The following CLEC19A variants were observed in gnomAD, a reference collection of about 807,000 sequenced individuals.
The protein encoded by CLEC19A is C-type lectin domain containing 19A.
CLEC19A carries 21 observed loss-of-function variants against 26.1 expected under a neutral mutation model. That is an observed-to-expected ratio of 0.80 (90% confidence interval 0.57 to 1.16). The LOEUF is 1.16. Among genes scored for constraint, CLEC19A ranks in the 50% most tolerant of loss-of-function variants. CLEC19A has a pLI of 0.00. For missense variants in CLEC19A, 224 were observed against 227.6 expected, an observed-to-expected ratio of 0.98 and a Z score of 0.10; for synonymous variants, 89 against 88.6, an observed-to-expected ratio of 1.00 and a Z score of -0.03.
At chr16:19,299,913 G>T (rs927998364) in intron 2 of CLEC19A, among the ~76,000 whole-genome samples, 1 of 151,918 alleles carries the variant, frequency 6.6e-6, no homozygotes, top group Non-Finnish European at 1.5e-5. Context: ...GTGTAGAGCC[G>T]CTGACTTTTG....
At chr16:19,294,664 G>A (rs1034748327) in intron 1 of CLEC19A, among the ~76,000 whole-genome samples, 3 of 152,188 alleles carry the variant, frequency 2.0e-5, no homozygotes, top group South Asian at 2.1e-4. Flanking sequence ...GGTCCATGTC[G>A]TTAAATTTAA....
At chr16:19,285,962 G>A (rs919824000) in intron 1 of CLEC19A, 23 bp downstream of exon 1, 10 of 1,544,820 alleles carry the variant, frequency 6.5e-6, no homozygotes, top group African/African-American at 1.4e-5. Flanking sequence ...ACCAGGGCTG[G>A]GAGCAGGTGG....
intron 1 of CLEC19A, among the ~76,000 whole-genome samples, chr16:19,286,969 A>C (rs959420649): frequency 1.2e-4 from 18 of 151,958 alleles, no homozygotes; most frequent in African/African-American, 4.4e-4. Context: ...ACGTATTTAT[A>C]CTAAAAATTA....
At chr16:19,307,400 C>A in intron 3 of CLEC19A, 145 bp from the exon 4 acceptor site, 1 of 830,364 alleles carries the variant, frequency 1.2e-6, no homozygotes, top group Non-Finnish European at 1.8e-6. Context: ...GCAGTAGTGC[C>A]AGATAGCAGT....
chr16:19,308,390 G>A (rs915609211), intron 4 of CLEC19A, among the ~76,000 whole-genome samples: 1 of 152,098 alleles, frequency 6.6e-6, no homozygotes, highest in African/African-American at 2.4e-5. Flanking sequence ...TCAAAATGTG[G>A]CTAATGATAC....
chr16:19,301,096 C>T (rs529207899), intron 2 of CLEC19A, among the ~76,000 whole-genome samples: 2 of 152,314 alleles, frequency 1.3e-5, no homozygotes, highest in African/African-American at 4.8e-5. Flanking sequence ...TCAAAGAATT[C>T]CTAGCCTGTA....
intron 1 of CLEC19A, among the ~76,000 whole-genome samples, chr16:19,291,108 C>T (rs1897574981): frequency 1.3e-5 from 2 of 152,178 alleles, no homozygotes; most frequent in Admixed American, 6.5e-5. Context: ...CTCCCAAAGT[C>T]TGGGATTACA....
At chr16:19,301,658 G>A (rs1370616638) in intron 2 of CLEC19A, among the ~76,000 whole-genome samples, 1 of 150,654 alleles carries the variant, frequency 6.6e-6, no homozygotes, top group African/African-American at 2.4e-5. Context: ...CCGCCTCCTG[G>A]GTTCAAGTGA....
chr16:19,308,873 TCAGCAAGAAAGGGCTGC>T, intron 4 of CLEC19A, 114 bp from the exon 5 acceptor site: 1 of 668,390 alleles, frequency 1.5e-6, no homozygotes, highest in South Asian at 1.8e-5. Context: ...TTGTCAAGTA[TCAGCAAGAAAGGGCTGC>T]CAGCATAGAC....
intron 1 of CLEC19A, among the ~76,000 whole-genome samples, chr16:19,290,346 T>C (rs1321427485): frequency 1.3e-5 from 2 of 151,002 alleles, no homozygotes; most frequent in African/African-American, 4.9e-5. Context: ...TCCCTCCACT[T>C]CCCCTCCCCC....
chr16:19,307,116 G>C (rs1897973312), intron 3 of CLEC19A, among the ~76,000 whole-genome samples: 1 of 152,198 alleles, frequency 6.6e-6, no homozygotes, highest in Non-Finnish European at 1.5e-5. Context: ...GATGGAAAGT[G>C]ACTCCCATCC....
chr16:19,301,366 G>A (rs57027562), intron 2 of CLEC19A, among the ~76,000 whole-genome samples: 26,704 of 152,106 alleles, frequency 0.18, 2,797 homozygotes, highest in Non-Finnish European at 0.22. Flanking sequence ...ATTGGGAAGC[G>A]TAGGGAATGA....
At chr16:19,287,021 C>CTTT (rs550913735) in intron 1 of CLEC19A, among the ~76,000 whole-genome samples, 6 of 123,146 alleles carry the variant, frequency 4.9e-5, no homozygotes, top group South Asian at 2.5e-4. Flanking sequence ...AGGTATCCTT[C>CTTT]TTTTTTTTTT....
intron 3 of CLEC19A, among the ~76,000 whole-genome samples, chr16:19,307,275 C>A (rs77606665): frequency 0.034 from 5,106 of 152,162 alleles, 309 homozygotes; most frequent in African/African-American, 0.12. Context: ...GGGCTGATGA[C>A]GCCTGCTTTT....
intron 3 of CLEC19A, chr16:19,304,406 A>G (rs911200112): frequency 1.1e-5 from 4 of 362,988 alleles, no homozygotes; most frequent in Admixed American, 3.9e-5. Flanking sequence ...TAAAAAAAAA[A>G]AAAAAAAGAC....
chr16:19,288,358 G>A (rs1171674212), intron 1 of CLEC19A, among the ~76,000 whole-genome samples: 1 of 152,110 alleles, frequency 6.6e-6, no homozygotes, highest in African/African-American at 2.4e-5. Flanking sequence ...CCGACCATGA[G>A]AATACATGTA....
intron 1 of CLEC19A, among the ~76,000 whole-genome samples, chr16:19,290,354 C>A (rs1356718765): frequency 1.3e-5 from 2 of 151,942 alleles, no homozygotes; most frequent in Non-Finnish European, 2.9e-5. Flanking sequence ...CTTCCCCTCC[C>A]CCACCACCAG....
At position 19,310,061 on chromosome 16, in the gene CLEC19A, A is replaced by G. The variant is rs573674816; in HGVS notation, c.*978A>G. 1 of 152,352 alleles carries G rather than the reference A, an allele frequency of 6.6e-6. No individual in the cohort carries two copies. The highest frequency in any genetic ancestry group is 2.4e-5 in the African/African-American group (1 of 41,578). The allele number at this position is 152,352 out of a possible 1,614,324, so 9.4% of individuals were successfully genotyped here. A position where few individuals can be genotyped will look rare whatever the true frequency, so the allele number is the denominator to read the frequency against. ...TTGCTGGTGGGAATGTAAAATAGTGAAGCCACTGTGGAAAAGTTTGGCAGT... is the reference window on the plus strand; with the variant it reads ...TTGCTGGTGGGAATGTAAAATAGTGGAGCCACTGTGGAAAAGTTTGGCAGT... On this transcript the variant is annotated 3_prime_UTR_variant, in exon 5 of 5. Coordinates refer to ENST00000636231, the MANE Select transcript of CLEC19A (RefSeq NM_001256720.2).
At position 19,307,651 on chromosome 16, in the gene CLEC19A, T is replaced by C; in HGVS notation, c.455T>C (p.Val152Ala). 8 of 1,548,256 alleles carry C rather than the reference T, an allele frequency of 5.2e-6. No individual in the cohort carries two copies. The highest frequency in any genetic ancestry group is 7.0e-6 in the Non-Finnish European group (8 of 1,146,788). The change falls in exon 4 of 5, where the codon GTG becomes GCG. Residue 152 changes from valine (V) to alanine (A), a missense_variant. Coordinates refer to ENST00000636231, the MANE Select transcript of CLEC19A (RefSeq NM_001256720.2). The stretch of plus-strand genomic sequence containing the variant: ...GCGGACCCAGAAGAAGAGGACTGCG[T>C]GCAGATATGGTACAGGCCTACCAGT... ...VHADPEEEDC[V>A]QIWYRPTSAL... is the part of the protein sequence containing the mutation.
Sources: allele counts gnomAD v4.1 joint callset (sites outside exome capture counted in the v4.1 genomes callset), GRCh38; gene constraint gnomAD v4.1.1; transcripts MANE v1.5; gene names NCBI Gene and HGNC (gene_info 2026-07-23, HGNC 2026-07-21).